CXXC5: variants seen among roughly 807,000 people sequenced by gnomAD.
CXXC5 encodes the protein CXXC finger protein 5, also known as CXXC-type zinc finger protein 5.
Under a neutral mutation model 17.6 loss-of-function variants are expected in CXXC5, and 2 were observed. The observed-to-expected ratio is 0.11, with a 90% CI of 0.05 to 0.36. The LOEUF (loss-of-function observed/expected upper bound fraction) is 0.36, where lower values mean the gene tolerates loss of function less well. Among genes scored for constraint, CXXC5 ranks in the 10% least tolerant of loss-of-function variants. The pLI is 1.00. For missense variants in CXXC5, 343 were observed against 458.3 expected (o/e 0.75, Z 2.30); for synonymous variants, 171 against 193.0 (o/e 0.89, Z 0.94).
Position 139,671,223 on chromosome 5 carries a change from G to A in CXXC5, c.-160-9141G>A, listed in dbSNP as rs541035899. ...GGGGGGTTCCAGGTGTGTCATGATG[G>A]GCTTGGTGGCTGCTGGCAGAGGCAG... On this transcript the variant is annotated intron_variant, in intron 1 of 2. Transcript: ENST00000302517. Among the ~76,000 whole-genome samples, 39 of 152,338 alleles carry A rather than the reference G, an allele frequency of 2.6e-4. No homozygotes were observed. The South Asian group carries it at 5.0e-3, about 19-fold the overall frequency.
upstream of CXXC5, chr5:139,648,200 C>T (rs1754962264): frequency 6.7e-6 from 1 of 150,062 alleles, no homozygotes; most frequent in South Asian, 2.1e-4. Flanking sequence ...TCCAAGTGGC[C>T]CGAGCTGCGC....
chr5:139,679,162 C>G (rs1757038550), intron 1 of CXXC5, among the ~76,000 whole-genome samples: 1 of 152,206 alleles, frequency 6.6e-6, no homozygotes, highest in African/African-American at 2.4e-5. Flanking sequence ...AACAGCCCAC[C>G]CCGGCTCTCT....
In CXXC5 at chr5:139,648,533, T is replaced by G. The variant is rs2126725776; in HGVS notation, c.-473T>G. The G allele has an allele frequency of 6.6e-6, 1 of 152,160 alleles. No individual in the cohort carries two copies. Among genetic ancestry groups the G allele is most frequent in the East Asian group, 2.0e-4 (1 of 5,114 alleles). 9.4% of individuals were successfully genotyped at this position (152,160 alleles called of 1,614,324 possible). A position where few individuals can be genotyped will look rare whatever the true frequency, so the allele number is the denominator to read the frequency against. ...CCAGCCATGCGCGCCGCCTGCTGAG[T>G]CCGGGCGCCGCACGCTGAGCCCTCC... is the stretch of plus-strand genomic sequence containing the variant. On this transcript the variant is annotated 5_prime_UTR_variant, in exon 1 of 3. Coordinates refer to ENST00000302517, the MANE Select transcript of CXXC5 (RefSeq NM_016463.9).
rs367662600 is a variant in CXXC5, at chr5:139,673,806, A to G, written c.-160-6558A>G. The stretch of plus-strand genomic sequence containing the variant: ...GTGGTGAGCTGAGATCGGGCCACGC[A>G]CTCCAGCCTGGGTGACAGAGCAAGA... On this transcript the variant is annotated intron_variant, in intron 1 of 2. Coordinates refer to ENST00000302517, the MANE Select transcript of CXXC5 (RefSeq NM_016463.9). 1.8e-4 allele frequency among the ~76,000 whole-genome samples: 27 copies of G among 148,984 alleles called. No homozygotes were observed. The East Asian group carries it at 4.4e-3, about 24-fold the overall frequency.
At position 139,683,056 on chromosome 5, in the gene CXXC5, A is replaced by T. The variant is rs1426531167; in HGVS notation, c.*149A>T. 1.2e-5 allele frequency: 7 copies of T among 608,172 alleles called. No homozygotes were observed. The highest frequency in any genetic ancestry group is 1.7e-5 in the Non-Finnish European group (7 of 409,628). The allele number at this position is 608,172 out of a possible 1,614,324, so 37.7% of individuals were successfully genotyped here. A position where few individuals can be genotyped will look rare whatever the true frequency, so the allele number is the denominator to read the frequency against. ...ATTTCATTCCTGTTTTTATATATATATTTTTTGTTGTCGTTTTAACATCTC... is the reference window on the plus strand; with the variant it reads ...ATTTCATTCCTGTTTTTATATATATTTTTTTTGTTGTCGTTTTAACATCTC... On this transcript the variant is annotated 3_prime_UTR_variant, in exon 3 of 3. Coordinates refer to ENST00000302517, the MANE Select transcript of CXXC5 (RefSeq NM_016463.9).
In CXXC5 at chr5:139,648,495, GC is replaced by G. The variant is rs1296743242; in HGVS notation, c.-508del. 1.3e-5 allele frequency: 2 copies of G among 152,700 alleles called. No individual in the cohort carries two copies. The highest frequency in any genetic ancestry group is 1.3e-4 in the Admixed American group (2 of 15,266). 9.5% of individuals were successfully genotyped at this position (152,700 alleles called of 1,614,324 possible). On this transcript the variant is annotated 5_prime_UTR_variant, in exon 1 of 3. Transcript: ENST00000302517. ...AAGCCGGGCCCCGCGTCCCAGCCCT[GC>G]CCAGCCCGCGCCCAGCCATGCGCGC... is the stretch of plus-strand genomic sequence containing the variant.
At chr5:139,653,882 C>T (rs1347266838) in intron 1 of CXXC5, among the ~76,000 whole-genome samples, 5 of 152,158 alleles carry the variant, frequency 3.3e-5, no homozygotes, top group South Asian at 2.1e-4. Flanking sequence ...GATCCTGCCC[C>T]GCCTTCCACA....
intron 2 of CXXC5, among the ~76,000 whole-genome samples, chr5:139,681,654 A>G (rs1428149607): frequency 6.6e-6 from 1 of 152,190 alleles, no homozygotes; most frequent in African/African-American, 2.4e-5. Context: ...CTATCAGGCC[A>G]TAATTTGCAA....
intron 1 of CXXC5, among the ~76,000 whole-genome samples, chr5:139,653,370 G>C (rs1374380526): frequency 6.6e-6 from 1 of 152,212 alleles, no homozygotes; most frequent in African/African-American, 2.4e-5. Context: ...GGGCCAGCCT[G>C]TGTGTCTCCA....
chr5:139,666,112 A>T (rs573758578), intron 1 of CXXC5, among the ~76,000 whole-genome samples: 1 of 152,310 alleles, frequency 6.6e-6, no homozygotes, highest in East Asian at 1.9e-4. Flanking sequence ...AGGCTCAGAG[A>T]GGGTGGGCCT....
intron 1 of CXXC5, chr5:139,650,973 G>A (rs556273935): frequency 4.9e-4 from 75 of 152,376 alleles, no homozygotes; most frequent in Non-Finnish European, 9.1e-4. Context: ...GGAGGAGGGA[G>A]AGGGGGTGAT....
rs746373529 is a variant in CXXC5, at chr5:139,680,487, G to C, written c.-37G>C. Reference sequence around the variant, plus strand: ...TCTGTGGACCCTCGGCAGTTGGCAGGCTCCCTCTGCAGTGGGGTCTGGGCC... The same window carrying C: ...TCTGTGGACCCTCGGCAGTTGGCAGCCTCCCTCTGCAGTGGGGTCTGGGCC... On this transcript the variant is annotated 5_prime_UTR_variant, in exon 2 of 3. Coordinates refer to ENST00000302517, the MANE Select transcript of CXXC5 (RefSeq NM_016463.9). 2.0e-6 allele frequency: 3 copies of C among 1,526,296 alleles called. No individual in the cohort carries two copies. The highest frequency in any genetic ancestry group is 1.2e-5 in the South Asian group (1 of 80,676). The allele number at this position is 1,526,296 out of a possible 1,614,324, so 94.5% of individuals were successfully genotyped here.
At chr5:139,656,231 A>G (rs1352739535) in intron 1 of CXXC5, among the ~76,000 whole-genome samples, 1 of 152,194 alleles carries the variant, frequency 6.6e-6, no homozygotes, top group Admixed American at 6.5e-5. Context: ...CTGTAATCCG[A>G]TGGCCAGAAC....
intron 1 of CXXC5, among the ~76,000 whole-genome samples, chr5:139,651,891 C>T (rs760439321): frequency 6.6e-6 from 1 of 152,140 alleles, no homozygotes; most frequent in Non-Finnish European, 1.5e-5. Flanking sequence ...ATTGTTATTA[C>T]GTTACTATTG....
intron 1 of CXXC5, among the ~76,000 whole-genome samples, chr5:139,669,524 C>T (rs982024958): frequency 6.6e-6 from 1 of 152,062 alleles, no homozygotes; most frequent in Non-Finnish European, 1.5e-5. Context: ...CCCCTAGACC[C>T]AGCATGGCTC....
At chr5:139,662,419 C>A (rs1196054532) in intron 1 of CXXC5, among the ~76,000 whole-genome samples, 1 of 152,108 alleles carries the variant, frequency 6.6e-6, no homozygotes, top group African/African-American at 2.4e-5. Context: ...TAAGGATATA[C>A]CCCTTTTCCA....
At chr5:139,659,483 C>G (rs913863998) in intron 1 of CXXC5, 1 of 152,376 alleles carries the variant, frequency 6.6e-6, no homozygotes, top group African/African-American at 2.4e-5. Flanking sequence ...AATGCACCCC[C>G]CATGCTCTGA....
intron 1 of CXXC5, among the ~76,000 whole-genome samples, chr5:139,654,228 G>C (rs1404862063): frequency 6.6e-6 from 1 of 152,126 alleles, no homozygotes; most frequent in African/African-American, 2.4e-5. Flanking sequence ...AGAGCCAATT[G>C]AACCACTGAG....
In CXXC5 at chr5:139,661,957, G is replaced by C. The variant is rs1755843447; in HGVS notation, c.-161+13112G>C. Among the ~76,000 whole-genome samples the C allele has an allele frequency of 6.6e-6, 1 of 152,256 alleles. No individual in the cohort carries two copies. The highest frequency in any genetic ancestry group is 6.5e-5 in the Admixed American group (1 of 15,290). On this transcript the variant is annotated intron_variant, in intron 1 of 2. Coordinates refer to ENST00000302517, the MANE Select transcript of CXXC5 (RefSeq NM_016463.9). This position sits in a 1 kb window ranked among gnomAD's most constrained non-coding sequence, Gnocchi z 4.7. ...CCCAGGCAGAGTGGGTTGGGTACAT[G>C]GGGGAGAGATACAGGGGAGCTGGGA... is the stretch of plus-strand genomic sequence containing the variant.
Sources: gnomAD v4.1 joint callset for allele counts (sites outside exome capture counted in the v4.1 genomes callset) on GRCh38, gnomAD v4.1.1 for gene constraint, Gnocchi (gnomAD v3.1) non-coding constraint, MANE v1.5 for transcripts, NCBI Gene and HGNC (gene_info 2026-07-23, HGNC 2026-07-21) for gene names.